The following CD244 variants were observed in gnomAD, a reference collection of about 807,000 sequenced individuals.
CD244 encodes CD244 molecule, also known as natural killer cell receptor 2B4.
A neutral mutation model predicts 45.5 loss-of-function variants in CD244; 20 were observed. The observed-to-expected ratio is 0.44, with a 90% CI of 0.31 to 0.64. CD244 has a LOEUF of 0.64. Ranked by LOEUF, CD244 falls within the 30% of genes least tolerant of loss-of-function variation. The probability of loss-of-function intolerance (pLI) is 0.08; values close to 1 mark genes in which losing one functional copy is unlikely to be tolerated. For missense variants in CD244, 407 were observed against 426.9 expected (o/e 0.95, Z 0.41); for synonymous variants, 185 against 160.5 (o/e 1.15, Z -1.15).
intron 1 of CD244, among the ~76,000 whole-genome samples, chr1:160,861,681 A>G (rs1249683219): frequency 6.6e-6 from 1 of 152,034 alleles, no homozygotes; most frequent in Non-Finnish European, 1.5e-5. Flanking sequence ...TACTAAAAAT[A>G]CAAAAATTAG....
chr1:160,832,481 AC>A (rs1395692391), intron 8 of CD244, 37 bp downstream of exon 8: 1 of 1,294,716 alleles, frequency 7.7e-7, no homozygotes, highest in South Asian at 1.3e-5. Context: ...GGGCTATGCA[AC>A]AGACAGTAAA....
At chr1:160,846,966 T>C (rs1167526897) in intron 1 of CD244, among the ~76,000 whole-genome samples, 2 of 151,820 alleles carry the variant, frequency 1.3e-5, no homozygotes, top group Admixed American at 6.6e-5. Context: ...GTGGTAACCA[T>C]TGAGAAAATA....
chr1:160,836,789 AG>A (rs1669349920), intron 5 of CD244, among the ~76,000 whole-genome samples: 1 of 152,054 alleles, frequency 6.6e-6, no homozygotes, highest in South Asian at 2.1e-4. Context: ...CCTACCCCTT[AG>A]GAAATCGGTG....
chr1:160,838,685 C>G, intron 4 of CD244, 167 bp from the exon 5 acceptor site: 1 of 637,428 alleles, frequency 1.6e-6, no homozygotes, highest in East Asian at 2.7e-5. Context: ...GAGGCAGCAA[C>G]CGAACTGCCC....
intron 5 of CD244, among the ~76,000 whole-genome samples, chr1:160,836,922 G>A (rs1014568622): frequency 5.9e-5 from 9 of 152,242 alleles, no homozygotes; most frequent in African/African-American, 2.2e-4. Context: ...GAAGCAAGAA[G>A]AAGCTAAGAG....
chr1:160,860,847 G>A (rs1360449266), intron 1 of CD244, among the ~76,000 whole-genome samples: 1 of 152,242 alleles, frequency 6.6e-6, no homozygotes, highest in African/African-American at 2.4e-5. Context: ...AGCAGCTTCA[G>A]TCAACTTATG....
intron 1 of CD244, among the ~76,000 whole-genome samples, chr1:160,843,589 C>T (rs1669622006): frequency 6.6e-6 from 1 of 152,132 alleles, no homozygotes; most frequent in Non-Finnish European, 1.5e-5. Context: ...TCTACAGCAT[C>T]CCCTTAATTG....
At chr1:160,833,327 G>A (rs1477010637) in intron 7 of CD244, among the ~76,000 whole-genome samples, 1 of 152,162 alleles carries the variant, frequency 6.6e-6, no homozygotes, top group African/African-American at 2.4e-5. Flanking sequence ...TGTGGTCCCT[G>A]ACCTGCATGG....
At chr1:160,831,484 C>T in intron 8 of CD244, 57 bp from the exon 9 acceptor site, 1 of 1,208,832 alleles carries the variant, frequency 8.3e-7, no homozygotes, top group East Asian at 2.3e-5. Flanking sequence ...TTATCACAAT[C>T]CTGTGAGGTA....
intron 1 of CD244, among the ~76,000 whole-genome samples, chr1:160,862,342 A>T (rs1175713706): frequency 1.3e-5 from 2 of 152,184 alleles, no homozygotes; most frequent in Admixed American, 1.3e-4. Context: ...TCTCTCCACT[A>T]CACGGAAGGG....
rs1349720472 is a variant in CD244, at chr1:160,830,935, C to G, written c.*412G>C. The G allele has an allele frequency of 6.0e-6, 1 of 165,388 alleles. No individual in the cohort carries two copies. Among genetic ancestry groups the G allele is most frequent in the Admixed American group, 5.7e-5 (1 of 17,424 alleles). 10.2% of individuals were successfully genotyped at this position (165,388 alleles called of 1,614,324 possible). A position where few individuals can be genotyped will look rare whatever the true frequency, so the allele number is the denominator to read the frequency against. ...TCACCATTATCATTCCTTCCTCTTGCTTTGGAAGATGGGCCTGGGCCGGCG... is the reference window on the plus strand; with the variant it reads ...TCACCATTATCATTCCTTCCTCTTGGTTTGGAAGATGGGCCTGGGCCGGCG... On this transcript the variant is annotated 3_prime_UTR_variant, in exon 9 of 9. Transcript: ENST00000368034.
intron 1 of CD244, among the ~76,000 whole-genome samples, chr1:160,853,747 G>T (rs1053090923): frequency 1.5e-5 from 2 of 136,628 alleles, no homozygotes; most frequent in African/African-American, 2.9e-5. Flanking sequence ...CTGCACCACT[G>T]CACCCCAGCC....
intron 1 of CD244, among the ~76,000 whole-genome samples, chr1:160,850,756 C>A (rs182024199): frequency 1.3e-5 from 2 of 152,166 alleles, no homozygotes; most frequent in African/African-American, 4.8e-5. Flanking sequence ...GAGTTTCCCA[C>A]GTGCCAAGCA....
chr1:160,848,288 G>A, intron 1 of CD244: 1 of 582,986 alleles, frequency 1.7e-6, no homozygotes, highest in Non-Finnish European at 3.3e-6. Flanking sequence ...GAAGCATACA[G>A]GTCTTGGCAT....
intron 6 of CD244, 91 bp from the exon 7 acceptor site, chr1:160,834,207 GC>G: frequency 1.0e-6 from 1 of 963,982 alleles, no homozygotes. Flanking sequence ...CCTCAACCCT[GC>G]CCAGATGGAA....
chr1:160,832,971 A>G (rs1467244566), intron 7 of CD244, among the ~76,000 whole-genome samples: 1 of 151,216 alleles, frequency 6.6e-6, no homozygotes, highest in African/African-American at 2.4e-5. Context: ...ATACACATAC[A>G]CATACACATA....
chr1:160,853,052 C>T (rs1669976482), intron 1 of CD244, among the ~76,000 whole-genome samples: 1 of 151,934 alleles, frequency 6.6e-6, no homozygotes, highest in Non-Finnish European at 1.5e-5. Context: ...GTGTTTATAT[C>T]CACTAAAAAT....
chr1:160,849,192 T>C (rs1031686877), intron 1 of CD244, among the ~76,000 whole-genome samples: 21 of 152,272 alleles, frequency 1.4e-4, no homozygotes, highest in Admixed American at 1.4e-3. Context: ...ATGTTGATGA[T>C]TGTTATTATT....
intron 3 of CD244, among the ~76,000 whole-genome samples, chr1:160,839,392 A>G (rs967517981): frequency 4.7e-4 from 72 of 152,190 alleles, no homozygotes; most frequent in African/African-American, 1.7e-3. Context: ...GGATAACGTT[A>G]TCTACCTATA....
Sources: allele counts gnomAD v4.1 joint callset (sites outside exome capture counted in the v4.1 genomes callset), GRCh38; gene constraint gnomAD v4.1.1; transcripts MANE v1.5; gene names NCBI Gene and HGNC (gene_info 2026-07-23, HGNC 2026-07-21).